AP3B1: variants seen among roughly 807,000 people sequenced by gnomAD.
AP3B1 encodes AP-3 complex subunit beta-1.
AP3B1 carries 61 observed loss-of-function variants against 132.5 expected under a neutral mutation model. The ratio of observed to expected loss-of-function variants is 0.46; its 90% confidence interval spans 0.37 to 0.57. The LOEUF is 0.57. AP3B1 is among the 20% of genes least tolerant of loss of function. The pLI is 0.00. For synonymous variants in AP3B1, 388 were observed against 438.3 expected, an observed-to-expected ratio of 0.89 and a Z score of 1.43; for missense variants, 1,120 against 1,289.4, an observed-to-expected ratio of 0.87 and a Z score of 2.01.
chr5:78,204,470 G>T (rs891089482), intron 7 of AP3B1, among the ~76,000 whole-genome samples: 1 of 152,116 alleles, frequency 6.6e-6, no homozygotes, highest in Non-Finnish European at 1.5e-5. Flanking sequence ...TTCTGAGTAG[G>T]TGTCTAACCC....
At chr5:78,117,464 C>G (rs1281024150) in intron 17 of AP3B1, among the ~76,000 whole-genome samples, 3 of 151,930 alleles carry the variant, frequency 2.0e-5, no homozygotes, top group African/African-American at 7.3e-5. Context: ...CACCCACCAC[C>G]ACGCCCAGCT....
At chr5:78,026,364 C>T (rs1207527088) in intron 24 of AP3B1, among the ~76,000 whole-genome samples, 1 of 152,156 alleles carries the variant, frequency 6.6e-6, no homozygotes, top group Admixed American at 6.5e-5. Flanking sequence ...CCTCAGTTCA[C>T]GGATTCCTTT....
At chr5:78,197,476 G>T (rs1745121690) in intron 7 of AP3B1, among the ~76,000 whole-genome samples, 1 of 152,132 alleles carries the variant, frequency 6.6e-6, no homozygotes, top group Admixed American at 6.6e-5. Context: ...ATAAAGAAAA[G>T]TGTGAAATTA....
chr5:78,068,481 G>T (rs1289099861), intron 22 of AP3B1, among the ~76,000 whole-genome samples: 1 of 152,136 alleles, frequency 6.6e-6, no homozygotes, highest in Non-Finnish European at 1.5e-5. Flanking sequence ...AACCATCAGA[G>T]ACTACTATAA....
intron 21 of AP3B1, among the ~76,000 whole-genome samples, chr5:78,095,765 A>G (rs1750744664): frequency 6.6e-6 from 1 of 152,204 alleles, no homozygotes. Context: ...TGCACTTAGC[A>G]GACAATCCAG....
At chr5:78,110,487 T>G in intron 19 of AP3B1, 133 bp from the exon 20 acceptor site, 1 of 631,574 alleles carries the variant, frequency 1.6e-6, no homozygotes, top group South Asian at 2.2e-5. Flanking sequence ...CCAAATAAAT[T>G]AGAACCCATT....
At chr5:78,077,479 T>C (rs1019713981) in intron 22 of AP3B1, among the ~76,000 whole-genome samples, 19 of 152,192 alleles carry the variant, frequency 1.2e-4, no homozygotes, top group African/African-American at 4.3e-4. Flanking sequence ...CTTTTCTACA[T>C]GTACCGGCAC....
intron 14 of AP3B1, among the ~76,000 whole-genome samples, chr5:78,155,727 C>T (rs1743120530): frequency 6.6e-6 from 1 of 151,718 alleles, no homozygotes; most frequent in Admixed American, 6.6e-5. Context: ...GGAGACTGGG[C>T]AGTCTCAGTT....
At chr5:78,080,623 A>AT (rs66609184) in intron 22 of AP3B1, among the ~76,000 whole-genome samples, 7,752 of 102,994 alleles carry the variant, frequency 0.075, 344 homozygotes, top group Non-Finnish European at 0.093. Context: ...TATGCCTCCA[A>AT]TTTTTTTTTT....
intron 3 of AP3B1, among the ~76,000 whole-genome samples, chr5:78,234,715 C>T (rs1435751230): frequency 1.3e-5 from 2 of 152,192 alleles, no homozygotes; most frequent in Admixed American, 1.3e-4. Flanking sequence ...ATTGCAAGGA[C>T]TTATTACATT....
At chr5:78,259,743 G>A (rs1399540620) in intron 2 of AP3B1, among the ~76,000 whole-genome samples, 2 of 152,142 alleles carry the variant, frequency 1.3e-5, no homozygotes, top group Admixed American at 6.5e-5. Flanking sequence ...CAAGGTGGGC[G>A]GATTACTTGA....
At chr5:78,193,770 A>ATATATATATATATATATTTTTTTTTTTT in intron 7 of AP3B1, among the ~76,000 whole-genome samples, 2 of 67,218 alleles carry the variant, frequency 3.0e-5, no homozygotes, top group Admixed American at 1.8e-4. Context: ...ATATATATAT[A>ATATATATATATATATATTTTTTTTTTTT]TTTTTTTTTT....
At position 78,135,701 on chromosome 5, in the gene AP3B1, T is replaced by C. The variant is rs370860393; in HGVS notation, c.1650+5442A>G. Reference sequence around the variant, plus strand: ...ATGAGCTAAGAAAAACATTAACTTATAGCACTTATCACTACATTTAAAAGA... The same window carrying C: ...ATGAGCTAAGAAAAACATTAACTTACAGCACTTATCACTACATTTAAAAGA... On this transcript the variant is annotated intron_variant, in intron 15 of 26. Coordinates refer to ENST00000255194, the MANE Select transcript of AP3B1 (RefSeq NM_003664.5). Among the ~76,000 whole-genome samples the C allele has an allele frequency of 1.5e-3, 234 of 152,318 alleles. 7 individuals carry two copies. In the South Asian group the frequency reaches 0.047, roughly 31 times the overall value.
At chr5:78,157,367 A>G (rs1743195661) in intron 13 of AP3B1, among the ~76,000 whole-genome samples, 1 of 152,148 alleles carries the variant, frequency 6.6e-6, no homozygotes, top group Non-Finnish European at 1.5e-5. Flanking sequence ...CACTTCAATC[A>G]TCCCTTTTAA....
intron 22 of AP3B1, among the ~76,000 whole-genome samples, chr5:78,085,987 C>T (rs764023004): frequency 3.3e-5 from 5 of 152,108 alleles, no homozygotes; most frequent in South Asian, 2.1e-4. Context: ...TTGCATATTA[C>T]GGAGTGTTTT....
intron 22 of AP3B1, among the ~76,000 whole-genome samples, chr5:78,086,459 A>G (rs1458644442): frequency 6.6e-6 from 1 of 152,200 alleles, no homozygotes; most frequent in East Asian, 1.9e-4. Flanking sequence ...TAATGGAGGC[A>G]CTGGGAGGTA....
At chr5:78,016,515 T>C (rs1204682855) in intron 25 of AP3B1, among the ~76,000 whole-genome samples, 1 of 152,134 alleles carries the variant, frequency 6.6e-6, no homozygotes, top group Non-Finnish European at 1.5e-5. Context: ...AGATATTTGA[T>C]ATGTGCACAG....
At chr5:78,053,872 TTGGAGTTGTAACTCCTTCA>T (rs71975762) in intron 22 of AP3B1, among the ~76,000 whole-genome samples, 4,009 of 152,248 alleles carry the variant, frequency 0.026, 159 homozygotes, top group East Asian at 0.14. Context: ...AATAATTCTC[TTGGAGTTGTAACTCCTTCA>T]TACACTCAGC....
chr5:78,258,897 T>C (rs1227733657), intron 2 of AP3B1, among the ~76,000 whole-genome samples: 2 of 152,006 alleles, frequency 1.3e-5, no homozygotes, highest in Admixed American at 6.6e-5. Context: ...TGCAACAACA[T>C]GGGTGGAAAT....
Sources: gnomAD v4.1 joint callset for allele counts (sites outside exome capture counted in the v4.1 genomes callset) on GRCh38, gnomAD v4.1.1 for gene constraint, MANE v1.5 for transcripts, NCBI Gene and HGNC (gene_info 2026-07-23, HGNC 2026-07-21) for gene names.